The following GORAB variants were observed in gnomAD, a reference collection of about 807,000 sequenced individuals.
GORAB encodes the protein RAB6-interacting golgin.
In GORAB, 17 loss-of-function variants were observed where a neutral mutation model predicts 29.9. That is an observed-to-expected ratio of 0.57 (90% CI 0.39 to 0.85). The LOEUF is 0.85. Ranked by LOEUF, GORAB falls within the 40% of genes least tolerant of loss-of-function variation. The probability of loss-of-function intolerance (pLI) is 0.00; values close to 1 mark genes in which losing one functional copy is unlikely to be tolerated. For synonymous variants in GORAB, 183 were observed against 157.2 expected (o/e 1.16, Z -1.23); for missense variants, 442 against 437.8 (o/e 1.01, Z -0.09).
chr1:170,547,627 T>G (rs1450227268), intron 4 of GORAB, among the ~76,000 whole-genome samples: 1 of 152,246 alleles, frequency 6.6e-6, no homozygotes, highest in Non-Finnish European at 1.5e-5. Context: ...CGAATATTTT[T>G]AAATCACTTT....
chr1:170,553,438 TC>T lies in GORAB; in HGVS notation c.*977del. On this transcript the variant is annotated 3_prime_UTR_variant, in exon 5 of 5. Coordinates refer to ENST00000367763, the MANE Select transcript of GORAB (RefSeq NM_152281.3). Reference sequence around the variant, plus strand: ...AATGTGTAAATAAATATTGTAATTTTCTCACAAAGTCTGTGAATATCACATT... The same window carrying T: ...AATGTGTAAATAAATATTGTAATTTTTCACAAAGTCTGTGAATATCACATT... The T allele has an allele frequency of 2.2e-6, 1 of 446,628 alleles. No homozygotes were observed. 27.7% of individuals were successfully genotyped at this position (446,628 alleles called of 1,614,324 possible). A position where few individuals can be genotyped will look rare whatever the true frequency, so the allele number is the denominator to read the frequency against.
At chr1:170,545,258 G>A (rs936996329) in intron 4 of GORAB, 4 of 988,156 alleles carry the variant, frequency 4.0e-6, no homozygotes, top group Non-Finnish European at 4.8e-6. Context: ...TAGTCCTATA[G>A]GATTGAAGTC....
At position 170,552,843 on chromosome 1, in the gene GORAB, A is replaced by C. The variant is rs1031644537; in HGVS notation, c.*381A>C. On this transcript the variant is annotated 3_prime_UTR_variant, in exon 5 of 5. Transcript: ENST00000367763. ...TCATTTCACTTCTCCTGGGAGACGTATTAAGACTGGAAGTCCTATTTTATT... is the reference window on the plus strand; with the variant it reads ...TCATTTCACTTCTCCTGGGAGACGTCTTAAGACTGGAAGTCCTATTTTATT... The C allele has an allele frequency of 5.1e-5, 23 of 454,118 alleles. No individual in the cohort carries two copies. Among genetic ancestry groups the C allele is most frequent in the Non-Finnish European group, 9.2e-5 (21 of 227,282 alleles). The allele number at this position is 454,118 out of a possible 1,614,324, so 28.1% of individuals were successfully genotyped here.
At chr1:170,546,156 C>T (rs1177127379) in intron 4 of GORAB, among the ~76,000 whole-genome samples, 1 of 152,162 alleles carries the variant, frequency 6.6e-6, no homozygotes, top group East Asian at 1.9e-4. Context: ...TTTGGGAGGC[C>T]AAGGCAGGTG....
At chr1:170,550,508 T>C (rs191391926) in intron 4 of GORAB, among the ~76,000 whole-genome samples, 237 of 152,362 alleles carry the variant, frequency 1.6e-3, no homozygotes, top group Non-Finnish European at 2.7e-3. Flanking sequence ...ACCCAATTTT[T>C]ACCTGAGCTA....
intron 1 of GORAB, chr1:170,533,737 GTAGA>G (rs1181176236): frequency 2.9e-6 from 1 of 342,498 alleles, no homozygotes; most frequent in Non-Finnish European, 6.2e-6. Flanking sequence ...GCAACCGGGG[GTAGA>G]TAGAGGATGG....
chr1:170,541,500 G>T (rs1649423477), intron 2 of GORAB, among the ~76,000 whole-genome samples: 1 of 152,056 alleles, frequency 6.6e-6, no homozygotes, highest in African/African-American at 2.4e-5. Flanking sequence ...TAGTAAAAGT[G>T]AGAAATGACC....
chr1:170,546,455 G>A (rs766982674), intron 4 of GORAB, among the ~76,000 whole-genome samples: 1 of 151,962 alleles, frequency 6.6e-6, no homozygotes, highest in Admixed American at 6.6e-5. Context: ...GGAGAAAGAC[G>A]CTTTTTCATA....
At position 170,552,251 on chromosome 1, in the gene GORAB, CAA is replaced by C; in HGVS notation, c.900_901del (p.Arg301GlufsTer23). On this transcript the variant is annotated frameshift_variant, in exon 5 of 5. Transcript: ENST00000367763. LOFTEE classifies it low-confidence loss of function (END_TRUNC). ...TTGCTACACGAACAAGAAGTAGAAT[CAA>C]GGAGACCAGTGGTTCGTTTAGAGAG... 2.5e-6 allele frequency: 4 copies of C among 1,614,100 alleles called. No individual in the cohort carries two copies. The highest frequency in any genetic ancestry group is 3.4e-6 in the Non-Finnish European group (4 of 1,179,972).
rs1055787626 is a variant in GORAB, at chr1:170,544,778, G to A, written c.595G>A (p.Val199Met). 6.2e-7 allele frequency: 1 copy of A among 1,613,772 alleles called. No individual in the cohort carries two copies. Among genetic ancestry groups the A allele is most frequent in the Non-Finnish European group, 8.5e-7 (1 of 1,179,650 alleles). ...GGAGTTGCAGGCTTTAGATGACATG[G>A]TGTCAGCTGACATTGGAATTCTCAG... is the stretch of plus-strand genomic sequence containing the variant. The part of the protein sequence containing the change: ...QKELQALDDM[V>M]SADIGILRNR... Residue 199 changes from valine (V) to methionine (M), a missense_variant, in exon 4 of 5, where the codon GTG becomes ATG. Transcript: ENST00000367763.
intron 1 of GORAB, among the ~76,000 whole-genome samples, chr1:170,533,858 AAC>A (rs1361661375): frequency 6.6e-6 from 1 of 152,182 alleles, no homozygotes; most frequent in Non-Finnish European, 1.5e-5. Flanking sequence ...CCCGTAGCTA[AAC>A]ACAGTGATTG....
chr1:170,542,550 A>G lies in GORAB; in HGVS notation c.479A>G (p.Asn160Ser), dbSNP rs1450368692. ...QQEQRLMEEK[N>S]KRKKALLAKA... is the part of the protein sequence containing the mutation. ...GAACAACGGCTAATGGAAGAGAAAAATAAACGTAAAAAAGCTCTTTTGGCT... is the reference window on the plus strand; with the variant it reads ...GAACAACGGCTAATGGAAGAGAAAAGTAAACGTAAAAAAGCTCTTTTGGCT... Residue 160 changes from asparagine to serine, a missense_variant, in exon 3 of 5, where the codon AAT becomes AGT. By Grantham distance (46) the Asn-to-Ser change is conservative (BLOSUM62 1). Coordinates refer to ENST00000367763, the MANE Select transcript of GORAB (RefSeq NM_152281.3). 1 of 1,613,936 alleles carries G rather than the reference A, an allele frequency of 6.2e-7. No individual in the cohort carries two copies. Among genetic ancestry groups the G allele is most frequent in the Admixed American group, 1.7e-5 (1 of 60,026 alleles).
chr1:170,541,775 C>T (rs1355930815), intron 2 of GORAB, among the ~76,000 whole-genome samples: 1 of 151,848 alleles, frequency 6.6e-6, no homozygotes, highest in Non-Finnish European at 1.5e-5. Flanking sequence ...TTTCTTTAGC[C>T]CAGCATTCCA....
At chr1:170,532,913 AGCTAACCTTGT>A (rs965609687) in intron 1 of GORAB, among the ~76,000 whole-genome samples, 5 of 152,202 alleles carry the variant, frequency 3.3e-5, no homozygotes, top group Non-Finnish European at 7.3e-5. Context: ...CTTTGGAGTA[AGCTAACCTTGT>A]GCTTCTCTCT....
At position 170,552,076 on chromosome 1, in the gene GORAB, A is replaced by C. The variant is rs766422042; in HGVS notation, c.724A>C (p.Thr242Pro). The change falls in exon 5 of 5, where the codon ACT becomes CCT. Residue 242 changes from threonine (T) to proline (P), a missense_variant. Physicochemically the swap from Thr to Pro is conservative, Grantham distance 38. Transcript: ENST00000367763. ...IAAKLDIQRK[T>P]EIKEQLTEHL... ...AGCAAAGCTAGATATACAGCGCAAG[A>C]CTGAGATAAAAGAGCAACTCACTGA... 1.2e-6 allele frequency: 2 copies of C among 1,614,072 alleles called. No individual in the cohort carries two copies. The highest frequency in any genetic ancestry group is 4.5e-5 in the East Asian group (2 of 44,884).
chr1:170,542,527 A>G lies in GORAB; in HGVS notation c.456A>G (p.Glu152=), dbSNP rs1215062243. 1 of 1,613,790 alleles carries G rather than the reference A, an allele frequency of 6.2e-7. No homozygotes were observed. The highest frequency in any genetic ancestry group is 1.3e-5 in the African/African-American group (1 of 74,920). ...EKSRWEVLQQ[E]QRLMEEKNKR... ...CTCGTTGGGAAGTCCTCCAACAAGA[A>G]CAACGGCTAATGGAAGAGAAAAATA... The change falls in exon 3 of 5, where the codon GAA becomes GAG. Residue 152 remains glutamate (E), a synonymous_variant. Transcript: ENST00000367763.
intron 1 of GORAB, among the ~76,000 whole-genome samples, chr1:170,534,971 A>G (rs1011992904): frequency 1.3e-5 from 2 of 152,222 alleles, no homozygotes; most frequent in Non-Finnish European, 2.9e-5. Flanking sequence ...TAATAAGTCA[A>G]TTGTTTAAAA....
intron 4 of GORAB, among the ~76,000 whole-genome samples, chr1:170,546,654 T>C (rs1361889341): frequency 1.3e-5 from 2 of 152,092 alleles, no homozygotes; most frequent in Non-Finnish European, 2.9e-5. Flanking sequence ...TAGTTGAATG[T>C]AAGTAGATGT....
chr1:170,533,823 G>C (rs1648871147), intron 1 of GORAB, among the ~76,000 whole-genome samples: 1 of 152,124 alleles, frequency 6.6e-6, no homozygotes, highest in African/African-American at 2.4e-5. Context: ...CTCGAGGACG[G>C]AAAATATCTT....
Sources: gnomAD v4.1 joint callset for allele counts (sites outside exome capture counted in the v4.1 genomes callset) on GRCh38, gnomAD v4.1.1 for gene constraint, MANE v1.5 for transcripts, NCBI Gene and HGNC (gene_info 2026-07-23, HGNC 2026-07-21) for gene names.